PTPRD: variants seen among roughly 807,000 people sequenced by gnomAD.
PTPRD encodes protein tyrosine phosphatase receptor type D.
A neutral mutation model predicts 214.5 loss-of-function variants in PTPRD; 34 were observed. That is an observed-to-expected ratio of 0.16 (90% CI 0.12 to 0.21). The LOEUF is 0.21. Among genes scored for constraint, PTPRD ranks in the 10% least tolerant of loss-of-function variants. PTPRD has a pLI of 1.00. For synonymous variants in PTPRD, 1,128 were observed against 845.7 expected (o/e 1.33, Z -5.79); for missense variants, 2,545 against 2,398.7 (o/e 1.06, Z -1.27).
intron 5 of PTPRD, among the ~76,000 whole-genome samples, chr9:9,818,915 CAAAAAA>C (rs58616042): frequency 3.4e-5 from 3 of 89,312 alleles, no homozygotes; most frequent in African/African-American, 8.3e-5. Context: ...GACACTGTCT[CAAAAAA>C]AAAAAAAAAA....
chr9:9,990,816 C>T (rs1446893012), intron 4 of PTPRD, among the ~76,000 whole-genome samples: 1 of 152,104 alleles, frequency 6.6e-6, no homozygotes, highest in Non-Finnish European at 1.5e-5. Context: ...AGAGGATGTG[C>T]TCACCACATT....
At chr9:9,088,243 GTTC>G (rs1440672840) in intron 10 of PTPRD, among the ~76,000 whole-genome samples, 1 of 149,882 alleles carries the variant, frequency 6.7e-6, no homozygotes, top group Non-Finnish European at 1.5e-5. Flanking sequence ...AGAAAAGAAA[GTTC>G]TTCTAAATTT....
chr9:9,740,975 G>A (rs1231488792), intron 6 of PTPRD, among the ~76,000 whole-genome samples: 1 of 152,054 alleles, frequency 6.6e-6, no homozygotes, highest in Non-Finnish European at 1.5e-5. Flanking sequence ...ACCCAACATT[G>A]GAAACTAGAA....
chr9:9,791,477 T>C (rs1008359345), intron 5 of PTPRD, among the ~76,000 whole-genome samples: 1 of 152,142 alleles, frequency 6.6e-6, no homozygotes, highest in African/African-American at 2.4e-5. Context: ...TCAGGGCTCA[T>C]CTTGTGTGGA....
chr9:9,468,273 C>G (rs1174749766), intron 8 of PTPRD, among the ~76,000 whole-genome samples: 7 of 151,714 alleles, frequency 4.6e-5, no homozygotes, highest in Non-Finnish European at 7.4e-5. Context: ...TATAATATTT[C>G]AAAAATGTTG....
intron 5 of PTPRD, among the ~76,000 whole-genome samples, chr9:9,874,115 A>G (rs1160728431): frequency 2.0e-5 from 3 of 152,244 alleles, no homozygotes; most frequent in South Asian, 2.1e-4. Flanking sequence ...AGTGGTCTGG[A>G]TGAGTAAGAG....
intron 3 of PTPRD, among the ~76,000 whole-genome samples, chr9:10,185,719 T>C (rs1323772277): frequency 3.9e-5 from 6 of 152,164 alleles, no homozygotes; most frequent in Admixed American, 3.9e-4. Flanking sequence ...TGTGTTAACA[T>C]ACATTCACTG....
chr9:10,328,159 C>T (rs535514986), intron 3 of PTPRD, among the ~76,000 whole-genome samples: 12 of 151,772 alleles, frequency 7.9e-5, no homozygotes, highest in Admixed American at 5.3e-4. Flanking sequence ...AGGTTGAGAA[C>T]CATTCTTTTT....
At chr9:10,119,360 A>G (rs959002841) in intron 3 of PTPRD, among the ~76,000 whole-genome samples, 1 of 152,034 alleles carries the variant, frequency 6.6e-6, no homozygotes, top group African/African-American at 2.4e-5. Flanking sequence ...TTTGCCTTCT[A>G]TGGTACACTG....
intron 5 of PTPRD, among the ~76,000 whole-genome samples, chr9:9,769,095 G>C (rs900927430): frequency 2.6e-5 from 4 of 151,934 alleles, no homozygotes; most frequent in Admixed American, 6.6e-5. Flanking sequence ...GAGGAAATAA[G>C]ACTTCAGAAG....
chr9:10,233,422 AT>A (rs1327328928), intron 3 of PTPRD, among the ~76,000 whole-genome samples: 3 of 151,926 alleles, frequency 2.0e-5, no homozygotes, highest in East Asian at 1.9e-4. Context: ...TCATCCAACA[AT>A]TTTTTTCATA....
chr9:9,657,128 T>C (rs915787347), intron 7 of PTPRD, among the ~76,000 whole-genome samples: 1 of 152,100 alleles, frequency 6.6e-6, no homozygotes, highest in Non-Finnish European at 1.5e-5. Context: ...ATATTTTTAC[T>C]AAGTGAATGA....
chr9:8,429,754 G>C (rs969397673), intron 35 of PTPRD, among the ~76,000 whole-genome samples: 6 of 152,204 alleles, frequency 3.9e-5, no homozygotes, highest in Non-Finnish European at 7.3e-5. Flanking sequence ...TCCACATCCA[G>C]AGACGGCAGC....
chr9:10,151,059 C>CTT (rs138485125), intron 3 of PTPRD, among the ~76,000 whole-genome samples: 1,679 of 111,064 alleles, frequency 0.015, 79 homozygotes, highest in East Asian at 0.026. Context: ...TTTTTGTTAA[C>CTT]TTTTTTTTTT....
At chr9:10,174,726 C>T (rs72696950) in intron 3 of PTPRD, among the ~76,000 whole-genome samples, 13,923 of 151,758 alleles carry the variant, frequency 0.092, 792 homozygotes, top group African/African-American at 0.15. Flanking sequence ...TGTACAGATG[C>T]CTACGGTAAT....
chr9:10,091,881 T>C (rs911994603), intron 3 of PTPRD, among the ~76,000 whole-genome samples: 1 of 151,346 alleles, frequency 6.6e-6, no homozygotes, highest in African/African-American at 2.4e-5. Context: ...CTGTCCTTTT[T>C]CTCTCCCGGA....
chr9:9,479,795 G>C (rs755352599), intron 8 of PTPRD, among the ~76,000 whole-genome samples: 10 of 152,054 alleles, frequency 6.6e-5, no homozygotes, highest in Non-Finnish European at 1.2e-4. Context: ...CTCTCAGGAA[G>C]ATACAAATTA....
At chr9:9,381,760 C>T (rs10977690) in intron 9 of PTPRD, among the ~76,000 whole-genome samples, 40,870 of 150,366 alleles carry the variant, frequency 0.27, 5,750 homozygotes, top group Middle Eastern at 0.38. Context: ...GTTTGCAATA[C>T]GAGTTTGCAC....
At chr9:9,443,003 G>A (rs190937789) in intron 8 of PTPRD, among the ~76,000 whole-genome samples, 1 of 152,166 alleles carries the variant, frequency 6.6e-6, no homozygotes, top group Admixed American at 6.5e-5. Flanking sequence ...GCTTTTCTTA[G>A]TGATAAGTAT....
Sources: gnomAD v4.1 joint callset for allele counts (sites outside exome capture counted in the v4.1 genomes callset) on GRCh38, gnomAD v4.1.1 for gene constraint, MANE v1.5 for transcripts, NCBI Gene and HGNC (gene_info 2026-07-23, HGNC 2026-07-21) for gene names.